The following LTBP3 variants were observed in gnomAD, a reference collection of about 807,000 sequenced individuals.
The protein encoded by LTBP3 is latent transforming growth factor beta binding protein 3.
Under a neutral mutation model 159.7 loss-of-function variants are expected in LTBP3, and 97 were observed. The observed-to-expected ratio is 0.61, with a 90% confidence interval of 0.52 to 0.72. The LOEUF (loss-of-function observed/expected upper bound fraction) is 0.72. Among genes scored for constraint, LTBP3 ranks in the 30% least tolerant of loss-of-function variants. LTBP3 has a pLI of 0.00. For synonymous variants in LTBP3, 824 were observed against 777.1 expected (o/e 1.06, Z -1.00); for missense variants, 1,584 against 1,864.3 (o/e 0.85, Z 2.77).
In LTBP3 at chr11:65,558,230, T is replaced by C. The variant is rs1171310378; in HGVS notation, c.-271A>G. 9 of 1,042,250 alleles carry C rather than the reference T, an allele frequency of 8.6e-6. No individual in the cohort carries two copies. Among genetic ancestry groups the C allele is most frequent in the African/African-American group, 1.7e-5 (1 of 58,756 alleles). The allele number at this position is 1,042,250 out of a possible 1,614,324, so 64.6% of individuals were successfully genotyped here. A position where few individuals can be genotyped will look rare whatever the true frequency, so the allele number is the denominator to read the frequency against. ...CAGGAGCGAGGAGGCCGGAGCAAGT[T>C]GAGGCGGAGAGGAGGAGCGAGGGAG... On this transcript the variant is annotated 5_prime_UTR_variant, in exon 1 of 28. Transcript: ENST00000301873.
In LTBP3 at chr11:65,552,759, C is replaced by G; in HGVS notation, c.1186+101G>C. On this transcript the variant is annotated intron_variant, in intron 6 of 27. Coordinates refer to ENST00000301873, the MANE Select transcript of LTBP3 (RefSeq NM_001130144.3). The surrounding 1 kb of genome is among the most constrained non-coding windows in gnomAD (Gnocchi z 6.0). ...CTATTGGCTCTGGGCCTTGTTCCTC[C>G]TGCAGTCAACCCTTAACCCCACTCT... The G allele has an allele frequency of 1.3e-6, 2 of 1,561,532 alleles. No individual in the cohort carries two copies. The highest frequency in any genetic ancestry group is 1.8e-6 in the Non-Finnish European group (2 of 1,135,070).
Position 65,557,869 on chromosome 11 carries a change from GCA to G in LTBP3, c.89_90del (p.Leu30ProfsTer163). 2 of 1,320,622 alleles carry G rather than the reference GCA, an allele frequency of 1.5e-6. No homozygotes were observed. The highest frequency in any genetic ancestry group is 1.9e-5 in the South Asian group (1 of 52,050). 81.8% of individuals were successfully genotyped at this position (1,320,622 alleles called of 1,614,324 possible). ...AAGLLALLLL[L>X]LLLLLGLGGR... ...CCGCCCAGGCCCAGCAGCAGCAGCA[GCA>G]GCAGCAGCAGCAGCGCCAGCAGCCC... On this transcript the variant is annotated frameshift_variant, in exon 1 of 28. Transcript: ENST00000301873. LOFTEE classifies it high-confidence loss of function.
intron 1 of LTBP3, among the ~76,000 whole-genome samples, chr11:65,555,802 T>C (rs955324076): frequency 6.6e-6 from 1 of 151,996 alleles, no homozygotes; most frequent in African/African-American, 2.4e-5. Flanking sequence ...TGCCCTCACT[T>C]CCCAGGGCAG....
chr11:65,547,733 G>A lies in LTBP3; in HGVS notation c.1935C>T (p.Arg645=), dbSNP rs1288328094. 5.0e-6 allele frequency: 8 copies of A among 1,607,402 alleles called. No homozygotes were observed. The highest frequency in any genetic ancestry group is 1.7e-5 in the Admixed American group (1 of 59,204). The change falls in exon 13 of 28, where the codon CGC becomes CGT. Residue 645 remains arginine, a synonymous_variant. Coordinates refer to ENST00000301873, the MANE Select transcript of LTBP3 (RefSeq NM_001130144.3). The surrounding 1 kb of genome is among the most constrained non-coding windows in gnomAD (Gnocchi z 4.6). ...CGGCGCCCACGTGCAGGCGGTAGCCGCGGTTGCAGTGGCAATTGTAGGAGC... is the reference window on the plus strand; with the variant it reads ...CGGCGCCCACGTGCAGGCGGTAGCCACGGTTGCAGTGGCAATTGTAGGAGC... ...TGGSYNCHCN[R]GYRLHVGAGG...
In LTBP3 at chr11:65,538,621, T is replaced by C; in HGVS notation, c.*459A>G. The stretch of plus-strand genomic sequence containing the variant: ...AGAGCCCGCCCCACAGATGTATTTA[T>C]TGTACAAACCATGTGAGCCCGGCCG... On this transcript the variant is annotated 3_prime_UTR_variant, in exon 28 of 28. Coordinates refer to ENST00000301873, the MANE Select transcript of LTBP3 (RefSeq NM_001130144.3). 6.3e-7 allele frequency: 1 copy of C among 1,577,246 alleles called. No homozygotes were observed. The highest frequency in any genetic ancestry group is 1.1e-5 in the South Asian group (1 of 87,080).
Position 65,553,621 on chromosome 11 carries a change from A to C in LTBP3, c.864+80T>G, listed in dbSNP as rs577402828. The C allele has an allele frequency of 4.0e-6, 6 of 1,516,458 alleles. No individual in the cohort carries two copies. The East Asian group carries it at 1.2e-4, about 30-fold the overall frequency. 93.9% of individuals were successfully genotyped at this position (1,516,458 alleles called of 1,614,324 possible). A position where few individuals can be genotyped will look rare whatever the true frequency, so the allele number is the denominator to read the frequency against. On this transcript the variant is annotated intron_variant, in intron 3 of 27. Coordinates refer to ENST00000301873, the MANE Select transcript of LTBP3 (RefSeq NM_001130144.3). This position sits in a 1 kb window ranked among gnomAD's most constrained non-coding sequence, Gnocchi z 6.5. ...GCCTTTTCCTCTTCCCCCGCCCCTC[A>C]GTTTTCTGCTATCCGAGTGAGTTGG...
In LTBP3 at chr11:65,547,371, C is replaced by T. The variant is rs1856418452; in HGVS notation, c.2107+68G>A. On this transcript the variant is annotated intron_variant, in intron 14 of 27. Transcript: ENST00000301873. This position sits in a 1 kb window ranked among gnomAD's most constrained non-coding sequence, Gnocchi z 4.6. The stretch of plus-strand genomic sequence containing the variant: ...GGGAAAAAAAAAAAAATGCAGGCAC[C>T]CCAGCCCCACCCCAGGTGGAGAGAC... 8 of 1,581,890 alleles carry T rather than the reference C, an allele frequency of 5.1e-6. No individual in the cohort carries two copies. The Admixed American group carries it at 1.2e-4, about 24-fold the overall frequency.
At position 65,546,347 on chromosome 11, in the gene LTBP3, A is replaced by C; in HGVS notation, c.2353+95T>G. The C allele has an allele frequency of 1.4e-6, 2 of 1,384,686 alleles. No individual in the cohort carries two copies. Among genetic ancestry groups the C allele is most frequent in the Non-Finnish European group, 1.9e-6 (2 of 1,053,114 alleles). 85.8% of individuals were successfully genotyped at this position (1,384,686 alleles called of 1,614,324 possible). A position where few individuals can be genotyped will look rare whatever the true frequency, so the allele number is the denominator to read the frequency against. On this transcript the variant is annotated intron_variant, in intron 16 of 27. Coordinates refer to ENST00000301873, the MANE Select transcript of LTBP3 (RefSeq NM_001130144.3). This position sits in a 1 kb window ranked among gnomAD's most constrained non-coding sequence, Gnocchi z 4.0. ...AGAGTCACCTGGGGATGAATGAGCC[A>C]CCTTCCACCCACTGTTTACAGACAG...
Position 65,540,354 on chromosome 11 carries a change from G to T in LTBP3, c.3135C>A (p.Asn1045Lys), listed in dbSNP as rs764995512. The change falls in exon 23 of 28, where the codon AAC (asparagine) becomes AAA (lysine). Residue 1045 changes from asparagine (N) to lysine (K), a missense_variant. Physicochemically the swap from Asn to Lys is moderately conservative, Grantham distance 94. Around this residue, in one of 6 missense-constraint regions of LTBP3, gnomAD observed 514 missense variants for 530.3 expected, o/e 0.97. Coordinates refer to ENST00000301873, the MANE Select transcript of LTBP3 (RefSeq NM_001130144.3). ...VDVDECLDES[N>K]CRNGVCENTR... Reference sequence around the variant, plus strand: ...TGTTCTCACACACTCCGTTCCGGCAGTTGGACTCGTCCAGGCACTCGTCCA... The same window carrying T: ...TGTTCTCACACACTCCGTTCCGGCATTTGGACTCGTCCAGGCACTCGTCCA... 9.2e-5 allele frequency: 146 copies of T among 1,591,362 alleles called. No homozygotes were observed. Among genetic ancestry groups the T allele is most frequent in the Non-Finnish European group, 1.2e-4 (145 of 1,170,338 alleles).
At position 65,552,727 on chromosome 11, in the gene LTBP3, CCTGATCCTATTGGCT is replaced by C. The variant is rs1011059145; in HGVS notation, c.1186+118_1186+132del. 5 of 1,345,398 alleles carry C rather than the reference CCTGATCCTATTGGCT, an allele frequency of 3.7e-6. No homozygotes were observed. Among genetic ancestry groups the C allele is most frequent in the Non-Finnish European group, 5.3e-6 (5 of 947,438 alleles). 83.3% of individuals were successfully genotyped at this position (1,345,398 alleles called of 1,614,324 possible). A position where few individuals can be genotyped will look rare whatever the true frequency, so the allele number is the denominator to read the frequency against. Reference sequence around the variant, plus strand: ...CATGTGACCCCGGACCCTGCTGATCCCTGATCCTATTGGCTCTGGGCCTTGTTCCTCCTGCAGTCA... The same window carrying C: ...CATGTGACCCCGGACCCTGCTGATCCCTGGGCCTTGTTCCTCCTGCAGTCA... On this transcript the variant is annotated intron_variant, in intron 6 of 27. Transcript: ENST00000301873. This position sits in a 1 kb window ranked among gnomAD's most constrained non-coding sequence, Gnocchi z 6.0.
chr11:65,543,713 C>T, intron 16 of LTBP3, 164 bp from the exon 17 acceptor site: 1 of 880,450 alleles, frequency 1.1e-6, no homozygotes, highest in Non-Finnish European at 1.8e-6. Flanking sequence ...GCCCTGACGA[C>T]CAGGTCAGGT....
At chr11:65,550,804 C>T (rs1400699169) in intron 11 of LTBP3, among the ~76,000 whole-genome samples, 8 of 151,978 alleles carry the variant, frequency 5.3e-5, no homozygotes, top group Non-Finnish European at 8.8e-5. Flanking sequence ...CGCCTGGCGA[C>T]AGAGCAAGAC....
In LTBP3 at chr11:65,553,599, T is replaced by A. The variant is rs1275897174; in HGVS notation, c.865-69A>T. On this transcript the variant is annotated intron_variant, in intron 3 of 27. Coordinates refer to ENST00000301873, the MANE Select transcript of LTBP3 (RefSeq NM_001130144.3). This position sits in a 1 kb window ranked among gnomAD's most constrained non-coding sequence, Gnocchi z 6.5. ...CGGTGCCGCCTGTTAGGGTTGGGCCTTTTCCTCTTCCCCCGCCCCTCAGTT... is the reference window on the plus strand; with the variant it reads ...CGGTGCCGCCTGTTAGGGTTGGGCCATTTCCTCTTCCCCCGCCCCTCAGTT... 2.7e-5 allele frequency: 41 copies of A among 1,498,836 alleles called. No individual in the cohort carries two copies. The highest frequency in any genetic ancestry group is 3.7e-5 in the Non-Finnish European group (41 of 1,095,572). 92.8% of individuals were successfully genotyped at this position (1,498,836 alleles called of 1,614,324 possible). A position where few individuals can be genotyped will look rare whatever the true frequency, so the allele number is the denominator to read the frequency against.
At chr11:65,557,532 C>A in intron 1 of LTBP3, 97 bp downstream of exon 1, 1 of 1,553,028 alleles carries the variant, frequency 6.4e-7, no homozygotes, top group South Asian at 1.1e-5. Flanking sequence ...CCTTTATACC[C>A]TCAGCCCCCA....
In LTBP3 at chr11:65,553,872, G is replaced by A. The variant is rs2135158555; in HGVS notation, c.693C>T (p.Arg231=). Residue 231 remains arginine, a synonymous_variant, in exon 3 of 28, where the codon CGC becomes CGT. Coordinates refer to ENST00000301873, the MANE Select transcript of LTBP3 (RefSeq NM_001130144.3). This position sits in a 1 kb window ranked among gnomAD's most constrained non-coding sequence, Gnocchi z 6.5. ...VQAPPPVVNV[R]VHHPPEASVQ... ...CTGAGGCCTCGGGCGGGTGATGGAC[G>A]CGCACATTCACCACGGGGGGCGGGG... is the stretch of plus-strand genomic sequence containing the variant. 1 of 1,557,634 alleles carries A rather than the reference G, an allele frequency of 6.4e-7. No homozygotes were observed. The highest frequency in any genetic ancestry group is 1.2e-5 in the South Asian group (1 of 86,528).
chr11:65,541,406 T>G, intron 19 of LTBP3, 113 bp from the exon 20 acceptor site: 1 of 1,443,830 alleles, frequency 6.9e-7, no homozygotes, highest in African/African-American at 1.4e-5. Context: ...CTTAGCCTCC[T>G]CCTGAGAGTT....
rs759283895 is a variant in LTBP3 at position 65,551,579 on chromosome 11, G to A, written c.1532-15C>T. The A allele has an allele frequency of 1.2e-6, 2 of 1,614,002 alleles. No homozygotes were observed. Among genetic ancestry groups the A allele is most frequent in the Non-Finnish European group, 1.7e-6 (2 of 1,180,026 alleles). ...CGTGGTCACCCCTAAAAGGGAAGAAGATGGGGCCATGAAGTGTTGGGGCGG... is the reference window on the plus strand; with the variant it reads ...CGTGGTCACCCCTAAAAGGGAAGAAAATGGGGCCATGAAGTGTTGGGGCGG... On this transcript the variant is annotated splice_polypyrimidine_tract_variant and intron_variant, in intron 8 of 27. Coordinates refer to ENST00000301873, the MANE Select transcript of LTBP3 (RefSeq NM_001130144.3).
chr11:65,539,984 G>A, intron 24 of LTBP3, 29 bp downstream of exon 24: 3 of 1,461,910 alleles, frequency 2.1e-6, no homozygotes, highest in South Asian at 2.7e-5. Context: ...AGGGCCCCGG[G>A]ATCGGCCAAG....
chr11:65,557,854 C>CCAG lies in LTBP3; in HGVS notation c.103_105dup (p.Leu35dup), dbSNP rs71036212. ...CCCCCCTCGACCCTGCCGCCCAGGC[C>CCAG]CAGCAGCAGCAGCAGCAGCAGCAGC... is the stretch of plus-strand genomic sequence containing the variant. On this transcript the variant is annotated inframe_insertion, in exon 1 of 28. Transcript: ENST00000301873. The CCAG allele has an allele frequency of 0.021, 27,693 of 1,302,838 alleles. 113 individuals are homozygous for CCAG. Among genetic ancestry groups the CCAG allele is most frequent in the African/African-American group, 0.024 (1,549 of 64,966 alleles). 80.7% of individuals were successfully genotyped at this position (1,302,838 alleles called of 1,614,324 possible).
Sources: gnomAD v4.1 joint callset for allele counts (sites outside exome capture counted in the v4.1 genomes callset) on GRCh38, gnomAD v4.1.1 for gene constraint, gnomAD v4.1.1 regional missense constraint, Gnocchi (gnomAD v3.1) non-coding constraint, MANE v1.5 for transcripts, NCBI Gene and HGNC (gene_info 2026-07-23, HGNC 2026-07-21) for gene names.